The following GAPVD1 variants were observed in gnomAD, a reference collection of about 807,000 sequenced individuals.
GAPVD1 encodes the protein GTPase-activating protein and VPS9 domain-containing protein 1.
A neutral mutation model predicts 155.5 loss-of-function variants in GAPVD1; 35 were observed. The observed-to-expected ratio is 0.23, with a 90% CI of 0.17 to 0.30. GAPVD1 has a LOEUF of 0.30. GAPVD1 is among the 10% of genes least tolerant of loss of function. The pLI is 1.00. For missense variants in GAPVD1, 1,429 were observed against 1,775.7 expected (o/e 0.80, Z 3.51); for synonymous variants, 636 against 619.7 (o/e 1.03, Z -0.39).
intron 9 of GAPVD1, among the ~76,000 whole-genome samples, chr9:125,318,802 C>T (rs908282562): frequency 5.3e-5 from 8 of 151,482 alleles, no homozygotes; most frequent in African/African-American, 1.2e-4. Context: ...GTAATCCCAG[C>T]GCTTTGGGAG....
At chr9:125,338,927 AT>A (rs1491569335) in intron 17 of GAPVD1, among the ~76,000 whole-genome samples, 3 of 140,702 alleles carry the variant, frequency 2.1e-5, no homozygotes, top group African/African-American at 8.1e-5. Context: ...TTTTAAAAAA[AT>A]TTGTGTGTGT....
intron 3 of GAPVD1, among the ~76,000 whole-genome samples, chr9:125,298,203 A>G (rs1293476787): frequency 6.6e-6 from 1 of 152,156 alleles, no homozygotes; most frequent in East Asian, 1.9e-4. Flanking sequence ...TCAGATTTTA[A>G]ATATATTTTG....
intron 2 of GAPVD1, among the ~76,000 whole-genome samples, chr9:125,293,879 T>TATATATATATA (rs1839328732): frequency 6.9e-4 from 14 of 20,378 alleles, no homozygotes; most frequent in African/African-American, 2.6e-3. Context: ...TATATATATA[T>TATATATATATA]ATATATATAT....
chr9:125,290,953 C>G (rs1838486214), intron 2 of GAPVD1, among the ~76,000 whole-genome samples: 1 of 146,654 alleles, frequency 6.8e-6, no homozygotes, highest in South Asian at 2.2e-4. Context: ...GATCACATTA[C>G]TACACTCCAG....
chr9:125,270,832 A>G (rs996690895), intron 2 of GAPVD1, among the ~76,000 whole-genome samples: 1 of 152,070 alleles, frequency 6.6e-6, no homozygotes, highest in Non-Finnish European at 1.5e-5. Context: ...AATCCCAGCT[A>G]CTCAGGAGGC....
At chr9:125,309,900 T>G (rs1379133246) in intron 8 of GAPVD1, 1 of 450,826 alleles carries the variant, frequency 2.2e-6, no homozygotes, top group Admixed American at 2.6e-5. Flanking sequence ...GGGTTGATTT[T>G]CTTTCTATTT....
At chr9:125,302,926 A>G in intron 5 of GAPVD1, 100 bp downstream of exon 5, 4 of 1,407,688 alleles carry the variant, frequency 2.8e-6, no homozygotes, top group Non-Finnish European at 2.9e-6. Context: ...GTATTTGTAT[A>G]TTCTTACAAC....
rs1369540240 is a variant in GAPVD1 at position 125,346,831 on chromosome 9, C to T, written c.3059C>T (p.Pro1020Leu). 1 of 1,613,958 alleles carries T rather than the reference C, an allele frequency of 6.2e-7. No homozygotes were observed. The highest frequency in any genetic ancestry group is 2.2e-5 in the East Asian group (1 of 44,884). ...CTTTCCCTTGCAGATGATCCCAGCC[C>T]TAGACTCAGTGCACAAGCTCAGGTG... ...RFSTLTDDPS[P>L]RLSAQAQVAE... Residue 1020 changes from proline to leucine, a missense_variant, in exon 20 of 28, where the codon CCT becomes CTT. Pro to Leu is a moderately conservative substitution (Grantham distance 98, BLOSUM62 -3). Around this residue, in one of 4 missense-constraint regions of GAPVD1, gnomAD observed 699 missense variants for 826.0 expected, o/e 0.85. Transcript: ENST00000297933.
intron 9 of GAPVD1, 85 bp downstream of exon 9, chr9:125,312,697 T>A: frequency 2.1e-6 from 2 of 945,108 alleles, no homozygotes; most frequent in South Asian, 1.9e-5. Flanking sequence ...GTTGGGTGGC[T>A]TATAAACAAC....
At chr9:125,307,979 G>A (rs1456036544) in intron 8 of GAPVD1, 99 bp downstream of exon 8, 6 of 826,734 alleles carry the variant, frequency 7.3e-6, no homozygotes, top group Non-Finnish European at 1.0e-5. Flanking sequence ...TAAGTACTTG[G>A]GAAAGTCTTT....
rs116173167 is a variant in GAPVD1, at chr9:125,352,777, C to G, written c.3570-1877C>G. On this transcript the variant is annotated intron_variant, in intron 23 of 27. Coordinates refer to ENST00000297933, the MANE Select transcript of GAPVD1 (RefSeq NM_001282680.3). ...TGTTTTCTATCGCATTGTCAGGCTG[C>G]AAAGTTTCTGAACGTTTATGCTCTG... Among the ~76,000 whole-genome samples the G allele has an allele frequency of 5.0e-3, 760 of 152,294 alleles. 9 individuals are homozygous for G. Among genetic ancestry groups the G allele is most frequent in the African/African-American group, 0.017 (713 of 41,562 alleles).
At chr9:125,316,738 C>T (rs888657655) in intron 9 of GAPVD1, among the ~76,000 whole-genome samples, 1 of 152,134 alleles carries the variant, frequency 6.6e-6, no homozygotes, top group Non-Finnish European at 1.5e-5. Context: ...GATTTATAAT[C>T]CTTTGGGTAT....
chr9:125,356,377 A>G (rs1850088449), intron 25 of GAPVD1, among the ~76,000 whole-genome samples: 1 of 152,206 alleles, frequency 6.6e-6, no homozygotes, highest in African/African-American at 2.4e-5. Context: ...CTTTAGGAGC[A>G]TCCCTGACCT....
chr9:125,340,113 C>G (rs1299694611), intron 17 of GAPVD1, among the ~76,000 whole-genome samples: 1 of 152,080 alleles, frequency 6.6e-6, no homozygotes, highest in African/African-American at 2.4e-5. Context: ...CTCCACCTCC[C>G]GGGTTCAAGT....
chr9:125,282,112 C>T (rs2132174438), intron 2 of GAPVD1, among the ~76,000 whole-genome samples: 1 of 152,234 alleles, frequency 6.6e-6, no homozygotes, highest in African/African-American at 2.4e-5. Flanking sequence ...AACCCCGTCT[C>T]TACCAAAAAT....
Position 125,337,463 on chromosome 9 carries a change from A to T in GAPVD1, c.2749A>T (p.Ser917Cys), listed in dbSNP as rs1339737485. Residue 917 changes from serine (S) to cysteine (C), a missense_variant, in exon 17 of 28, where the codon AGC (serine) becomes TGC (cysteine). Around this residue, in one of 4 missense-constraint regions of GAPVD1, gnomAD observed 699 missense variants for 826.0 expected, o/e 0.85. Coordinates refer to ENST00000297933, the MANE Select transcript of GAPVD1 (RefSeq NM_001282680.3). Reference sequence around the variant, plus strand: ...TGTCCGGAGACCCATGAGTGACCCCAGCTGGAACCGGCGTCCAGGAAATGA... The same window carrying T: ...TGTCCGGAGACCCATGAGTGACCCCTGCTGGAACCGGCGTCCAGGAAATGA... The part of the protein sequence containing the change: ...SSVRRPMSDP[S>C]WNRRPGNEER... 2 of 1,614,202 alleles carry T rather than the reference A, an allele frequency of 1.2e-6. No individual in the cohort carries two copies. The highest frequency in any genetic ancestry group is 3.3e-5 in the Admixed American group (2 of 60,026).
intron 1 of GAPVD1, among the ~76,000 whole-genome samples, chr9:125,266,646 CT>C (rs973582715): frequency 1.3e-5 from 2 of 151,476 alleles, no homozygotes; most frequent in Admixed American, 6.6e-5. Context: ...GATATCTATA[CT>C]TTTTTTTTGA....
chr9:125,354,804 T>C lies in GAPVD1; in HGVS notation c.3720T>C (p.Leu1240=). ...CCACTGTCTGTGTGAGATTACTGCT[T>C]GAGAGCAAAGAAAAGAAGATCAGGG... ...YFTTVCVRLL[L]ESKEKKIREF... The change falls in exon 24 of 28, where the codon CTT becomes CTC. Residue 1240 remains leucine, a synonymous_variant. Transcript: ENST00000297933. 6.2e-7 allele frequency: 1 copy of C among 1,613,956 alleles called. No individual in the cohort carries two copies. Among genetic ancestry groups the C allele is most frequent in the Non-Finnish European group, 8.5e-7 (1 of 1,179,802 alleles).
At chr9:125,318,046 G>GTCATTAAGAAGATACACCCAGT (rs1843715594) in intron 9 of GAPVD1, among the ~76,000 whole-genome samples, 1 of 152,154 alleles carries the variant, frequency 6.6e-6, no homozygotes, top group South Asian at 2.1e-4. Context: ...CAGCACTTTG[G>GTCATTAAGAAGATACACCCAGT]GAGGCCGCTC....
Sources: allele counts gnomAD v4.1 joint callset (sites outside exome capture counted in the v4.1 genomes callset), GRCh38; gene constraint gnomAD v4.1.1; regional missense constraint gnomAD v4.1.1; transcripts MANE v1.5; gene names NCBI Gene and HGNC (gene_info 2026-07-23, HGNC 2026-07-21).